UNC5D: variants seen among roughly 807,000 people sequenced by gnomAD.
The protein encoded by UNC5D is netrin receptor UNC5D.
UNC5D carries 39 observed loss-of-function variants against 105.4 expected under a neutral mutation model. The ratio of observed to expected loss-of-function variants is 0.37; its 90% CI spans 0.29 to 0.48. The LOEUF (loss-of-function observed/expected upper bound fraction) is 0.48. Ranked by LOEUF, UNC5D falls within the 20% of genes least tolerant of loss-of-function variation. The pLI is 0.98. For missense variants in UNC5D, 991 were observed against 1,202.4 expected (o/e 0.82, Z 2.60); for synonymous variants, 452 against 450.4 (o/e 1.00, Z -0.04).
intron 1 of UNC5D, among the ~76,000 whole-genome samples, chr8:35,395,305 T>C (rs538444773): frequency 7.2e-5 from 11 of 152,288 alleles, no homozygotes; most frequent in East Asian, 1.9e-4. Flanking sequence ...TAGTTGATCA[T>C]CAAAATGAAG....
chr8:35,299,533 T>TA (rs1807763333), intron 1 of UNC5D, among the ~76,000 whole-genome samples: 1 of 152,124 alleles, frequency 6.6e-6, no homozygotes, highest in African/African-American at 2.4e-5. Context: ...AGAGTAAAAA[T>TA]AAAAAATACA....
At chr8:35,337,040 G>T (rs1319657289) in intron 1 of UNC5D, among the ~76,000 whole-genome samples, 1 of 152,024 alleles carries the variant, frequency 6.6e-6, no homozygotes, top group South Asian at 2.1e-4. Context: ...TTTTCCCTGA[G>T]TAATATTCAA....
chr8:35,412,244 G>A (rs937493159), intron 1 of UNC5D, among the ~76,000 whole-genome samples: 8 of 152,020 alleles, frequency 5.3e-5, no homozygotes, highest in African/African-American at 1.9e-4. Context: ...TTGGGCACCA[G>A]TTAGGATTAT....
At chr8:35,430,304 ATGTTTCTGGAGGC>A (rs66898321) in intron 1 of UNC5D, among the ~76,000 whole-genome samples, 64,385 of 151,916 alleles carry the variant, frequency 0.42, 13,770 homozygotes, top group East Asian at 0.54. Context: ...GAACATCTGG[ATGTTTCTGGAGGC>A]TGGCACACCC....
intron 1 of UNC5D, among the ~76,000 whole-genome samples, chr8:35,498,520 GT>G (rs1216126046): frequency 1.3e-5 from 2 of 152,176 alleles, no homozygotes; most frequent in Non-Finnish European, 1.5e-5. Flanking sequence ...GGTGAGCATT[GT>G]GGAGGAGTGG....
intron 16 of UNC5D, among the ~76,000 whole-genome samples, chr8:35,778,668 A>C (rs561421707): frequency 1.3e-5 from 2 of 152,282 alleles, no homozygotes; most frequent in South Asian, 4.1e-4. Flanking sequence ...CCTCCATTCA[A>C]TTCCAAAAAG....
At chr8:35,484,302 C>A (rs960062272) in intron 1 of UNC5D, among the ~76,000 whole-genome samples, 2 of 152,226 alleles carry the variant, frequency 1.3e-5, no homozygotes, top group East Asian at 1.9e-4. Context: ...TGGCTATACT[C>A]ACTGTCTAGG....
chr8:35,758,964 T>G (rs745810348), intron 13 of UNC5D, among the ~76,000 whole-genome samples: 1 of 152,202 alleles, frequency 6.6e-6, no homozygotes, highest in Non-Finnish European at 1.5e-5. Context: ...ATCCCTTGAT[T>G]GTGGTCAGAG....
chr8:35,550,630 A>C (rs1325717286), intron 2 of UNC5D, among the ~76,000 whole-genome samples: 1 of 152,226 alleles, frequency 6.6e-6, no homozygotes, highest in Non-Finnish European at 1.5e-5. Context: ...GGTGAACTTT[A>C]CACATAATGA....
intron 1 of UNC5D, among the ~76,000 whole-genome samples, chr8:35,350,400 A>G (rs1812153627): frequency 6.6e-6 from 1 of 152,000 alleles, no homozygotes; most frequent in African/African-American, 2.4e-5. Flanking sequence ...GTCTTTGTCT[A>G]TTTCATTCAT....
chr8:35,262,151 A>C (rs1328111633), intron 1 of UNC5D, among the ~76,000 whole-genome samples: 1 of 97,356 alleles, frequency 1.0e-5, no homozygotes, highest in African/African-American at 3.4e-5. Context: ...TGCAATGAGT[A>C]AGAGCTTATA....
chr8:35,711,979 T>C (rs1827992361), intron 8 of UNC5D, among the ~76,000 whole-genome samples: 1 of 152,154 alleles, frequency 6.6e-6, no homozygotes, highest in African/African-American at 2.4e-5. Context: ...TCACTGGACC[T>C]TTTGGTGTTA....
intron 1 of UNC5D, among the ~76,000 whole-genome samples, chr8:35,357,303 G>A (rs573997282): frequency 6.6e-6 from 1 of 152,224 alleles, no homozygotes; most frequent in East Asian, 1.9e-4. Flanking sequence ...GCTTTCCTCT[G>A]GCTTTATTCT....
intron 1 of UNC5D, among the ~76,000 whole-genome samples, chr8:35,313,392 A>C (rs1378582707): frequency 6.6e-6 from 1 of 152,186 alleles, no homozygotes; most frequent in Non-Finnish European, 1.5e-5. Flanking sequence ...ACTAGTCATC[A>C]AGTTTTCTCT....
chr8:35,442,748 G>T (rs1807490793), intron 1 of UNC5D, among the ~76,000 whole-genome samples: 1 of 151,968 alleles, frequency 6.6e-6, no homozygotes, highest in South Asian at 2.1e-4. Context: ...TAAGACAGCT[G>T]AAGTGTTTGT....
intron 13 of UNC5D, 93 bp downstream of exon 13, chr8:35,750,902 T>G: frequency 6.7e-7 from 1 of 1,492,500 alleles, no homozygotes; most frequent in Non-Finnish European, 9.2e-7. Flanking sequence ...TTACTGAGGG[T>G]CTAGAAAATG....
intron 8 of UNC5D, among the ~76,000 whole-genome samples, chr8:35,710,173 G>C (rs1318011028): frequency 6.6e-6 from 1 of 152,122 alleles, no homozygotes; most frequent in African/African-American, 2.4e-5. Flanking sequence ...TAATACCTAG[G>C]CTCTTAATCT....
chr8:35,439,867 T>A (rs942671070), intron 1 of UNC5D, among the ~76,000 whole-genome samples: 1 of 151,880 alleles, frequency 6.6e-6, no homozygotes, highest in African/African-American at 2.4e-5. Flanking sequence ...CTTTACTGAA[T>A]TCCTGACTCC....
intron 1 of UNC5D, among the ~76,000 whole-genome samples, chr8:35,328,193 C>A (rs776484084): frequency 1.3e-5 from 2 of 150,184 alleles, no homozygotes; most frequent in Admixed American, 6.7e-5. Flanking sequence ...TAAAAGATAC[C>A]CTAGAAATGC....
Sources: gnomAD v4.1 joint callset for allele counts (sites outside exome capture counted in the v4.1 genomes callset) on GRCh38, gnomAD v4.1.1 for gene constraint, MANE v1.5 for transcripts, NCBI Gene and HGNC (gene_info 2026-07-23, HGNC 2026-07-21) for gene names.